Variants in SDF4 observed in about 807,000 individuals in gnomAD.
The protein encoded by SDF4 is stromal cell derived factor 4, also known as 45 kDa calcium-binding protein.
A neutral mutation model predicts 34.2 loss-of-function variants in SDF4; 22 were observed. The ratio of observed to expected loss-of-function variants is 0.64; its 90% CI spans 0.46 to 0.92. SDF4 has a LOEUF of 0.92. Among genes scored for constraint, SDF4 ranks in the 40% least tolerant of loss-of-function variants. The probability of loss-of-function intolerance (pLI) is 0.00; values close to 1 mark genes in which losing one functional copy is unlikely to be tolerated. For synonymous variants in SDF4, 236 were observed against 203.1 expected (o/e 1.16, Z -1.38); for missense variants, 447 against 499.9 (o/e 0.89, Z 1.01).
chr1:1,220,521 A>G, intron 4 of SDF4: 1 of 1,211,834 alleles, frequency 8.3e-7, no homozygotes, highest in Non-Finnish European at 1.1e-6. Flanking sequence ...GCCAGAAACC[A>G]AATACCCAAA....
rs932444650 is a variant in SDF4 at position 1,224,049 on chromosome 1, G to C, written c.306-81C>G. 76 of 1,581,288 alleles carry C rather than the reference G, an allele frequency of 4.8e-5. No individual in the cohort carries two copies. In the African/African-American group the frequency reaches 7.2e-4, roughly 15 times the overall value. On this transcript the variant is annotated intron_variant, in intron 2 of 6. Coordinates refer to ENST00000360001, the MANE Select transcript of SDF4 (RefSeq NM_016176.6). ...CAGCCAGACGGATGCCGCCGGCCCA[G>C]GACTCCATGGCTGCGTGAACCTGCC...
Position 1,217,251 on chromosome 1 carries a change from C to A in SDF4, c.*261G>T, listed in dbSNP as rs11721. 0.13 allele frequency: 22,836 copies of A among 182,308 alleles called. 1,887 individuals carry two copies. Among genetic ancestry groups the A allele is most frequent in the East Asian group, 0.25 (1,844 of 7,322 alleles). 11.3% of individuals were successfully genotyped at this position (182,308 alleles called of 1,614,324 possible). On this transcript the variant is annotated 3_prime_UTR_variant, in exon 7 of 7. Coordinates refer to ENST00000360001, the MANE Select transcript of SDF4 (RefSeq NM_016176.6). This position sits in a 1 kb window ranked among gnomAD's most constrained non-coding sequence, Gnocchi z 8.5. ...GATTTCGTTCTCAGAAGTGAGATGC[C>A]ACGATTTCGAGGGACCAGGGAGGAG...
At chr1:1,222,499 C>T (rs977851511) in intron 4 of SDF4, among the ~76,000 whole-genome samples, 12 of 152,334 alleles carry the variant, frequency 7.9e-5, no homozygotes, top group African/African-American at 2.9e-4. Context: ...TGGGACCTGA[C>T]CGCTCTCTGG....
At chr1:1,229,041 G>A (rs1638408924) in intron 1 of SDF4, 95 bp from the exon 2 acceptor site, 1 of 546,220 alleles carries the variant, frequency 1.8e-6, no homozygotes, top group Admixed American at 3.3e-5. Flanking sequence ...TCGATTCACA[G>A]GATCCAGACA....
At chr1:1,220,225 G>GA (rs1649847960) in intron 4 of SDF4, 1 of 1,015,518 alleles carries the variant, frequency 9.8e-7, no homozygotes, top group African/African-American at 1.7e-5. Flanking sequence ...GAAGGATCTG[G>GA]AGAGACCCTC....
intron 4 of SDF4, chr1:1,220,605 CA>C (rs1333976509): frequency 7.8e-7 from 1 of 1,288,540 alleles, no homozygotes; most frequent in Non-Finnish European, 1.0e-6. Flanking sequence ...CAGGGAACAG[CA>C]CCTCAGCATG....
intron 2 of SDF4, 103 bp downstream of exon 2, chr1:1,228,365 C>A: frequency 4.6e-6 from 6 of 1,313,258 alleles, no homozygotes; most frequent in Non-Finnish European, 6.1e-6. Flanking sequence ...CCGGCAGGTC[C>A]CGACACAGGG....
intron 2 of SDF4, among the ~76,000 whole-genome samples, chr1:1,224,886 C>T (rs1341433237): frequency 6.6e-5 from 10 of 152,196 alleles, no homozygotes. Context: ...GCACTCCAGC[C>T]TGGGCGGCAT....
intron 2 of SDF4, among the ~76,000 whole-genome samples, chr1:1,224,602 G>A (rs950638822): frequency 6.6e-6 from 1 of 152,118 alleles, no homozygotes; most frequent in African/African-American, 2.4e-5. Flanking sequence ...CGATGCTTCA[G>A]GTATGGCTAC....
At chr1:1,226,130 C>T (rs945283898) in intron 2 of SDF4, among the ~76,000 whole-genome samples, 12 of 152,234 alleles carry the variant, frequency 7.9e-5, no homozygotes, top group Admixed American at 2.6e-4. Flanking sequence ...GCTCCAGCCA[C>T]GGGAGACAGG....
chr1:1,223,117 A>G (rs1007608726), intron 4 of SDF4, 127 bp downstream of exon 4: 4 of 697,826 alleles, frequency 5.7e-6, no homozygotes, highest in African/African-American at 5.2e-5. Flanking sequence ...GCACGCACAC[A>G]CGTACTCACG....
Position 1,217,194 on chromosome 1 carries a change from C to T in SDF4, c.*318G>A, listed in dbSNP as rs147029191. On this transcript the variant is annotated 3_prime_UTR_variant, in exon 7 of 7. Coordinates refer to ENST00000360001, the MANE Select transcript of SDF4 (RefSeq NM_016176.6). The surrounding 1 kb of genome is among the most constrained non-coding windows in gnomAD (Gnocchi z 8.5). ...GGCCCAGAGGTTCCGGCCGCGATGC[C>T]GTCAGCGCCTTCGGCAGAGTGACTG... 970 of 158,706 alleles carry T rather than the reference C, an allele frequency of 6.1e-3. 4 individuals carry two copies. Among genetic ancestry groups the T allele is most frequent in the African/African-American group, 0.022 (932 of 41,684 alleles). The allele number at this position is 158,706 out of a possible 1,614,324, so 9.8% of individuals were successfully genotyped here.
rs539487018 is a variant in SDF4, at chr1:1,218,240, G to A, written c.891+218C>T. Among the ~76,000 whole-genome samples the A allele has an allele frequency of 2.0e-5, 3 of 152,202 alleles. No individual in the cohort carries two copies. Among genetic ancestry groups the A allele is most frequent in the Non-Finnish European group, 2.9e-5 (2 of 68,036 alleles). The stretch of plus-strand genomic sequence containing the variant: ...CCGCAAGGGGCTGAGGATGGAGCCC[G>A]GCCAGGCTCGCCTGTCTCTGATCCG... On this transcript the variant is annotated intron_variant, in intron 6 of 6. Coordinates refer to ENST00000360001, the MANE Select transcript of SDF4 (RefSeq NM_016176.6). The surrounding 1 kb of genome is among the most constrained non-coding windows in gnomAD (Gnocchi z 7.9).
At chr1:1,222,366 C>T (rs1171271394) in intron 4 of SDF4, among the ~76,000 whole-genome samples, 1 of 152,206 alleles carries the variant, frequency 6.6e-6, no homozygotes, top group African/African-American at 2.4e-5. Flanking sequence ...GGCCTTAGCC[C>T]GGGTGCCGGG....
chr1:1,221,166 GAA>G (rs1017340218), intron 4 of SDF4: 1 of 204,744 alleles, frequency 4.9e-6, no homozygotes, highest in African/African-American at 2.3e-5. Context: ...CGTGAACTGG[GAA>G]AAGAGCAGGC....
Position 1,225,026 on chromosome 1 carries a change from G to A in SDF4, c.306-1058C>T, listed in dbSNP as rs548594598. 9.2e-5 allele frequency among the ~76,000 whole-genome samples: 14 copies of A among 152,362 alleles called. 1 individual carries two copies. The South Asian group carries it at 2.7e-3, about 29-fold the overall frequency. ...GATGGAAGAGACCACAGACTTGGGG[G>A]ATAGGGACACAGACTGGGGACACGG... On this transcript the variant is annotated intron_variant, in intron 2 of 6. Coordinates refer to ENST00000360001, the MANE Select transcript of SDF4 (RefSeq NM_016176.6).
chr1:1,227,660 T>G (rs1280634263), intron 2 of SDF4, among the ~76,000 whole-genome samples: 1 of 151,994 alleles, frequency 6.6e-6, no homozygotes. Context: ...CAGCGCTGAG[T>G]GCAAGTAGGT....
intron 4 of SDF4, chr1:1,220,404 G>A (rs890896619): frequency 1.7e-5 from 20 of 1,166,272 alleles, no homozygotes; most frequent in Admixed American, 1.1e-4. Context: ...GGACTCACGC[G>A]GTGACCCTCG....
intron 2 of SDF4, 90 bp from the exon 3 acceptor site, chr1:1,224,058 G>A: frequency 6.4e-7 from 1 of 1,568,890 alleles, no homozygotes. Context: ...AGGACTCCAT[G>A]GCTGCGTGAA....
Sources: allele counts gnomAD v4.1 joint callset (sites outside exome capture counted in the v4.1 genomes callset), GRCh38; gene constraint gnomAD v4.1.1; non-coding constraint Gnocchi (gnomAD v3.1); transcripts MANE v1.5; gene names NCBI Gene and HGNC (gene_info 2026-07-23, HGNC 2026-07-21).